Variants in ANKS1B observed in about 807,000 individuals in gnomAD.
The protein encoded by ANKS1B is ankyrin repeat and sterile alpha motif domain containing 1B, also known as ankyrin repeat and sterile alpha motif domain-containing protein 1B.
ANKS1B carries 36 observed loss-of-function variants against 148.3 expected under a neutral mutation model. The ratio of observed to expected loss-of-function variants is 0.24; its 90% confidence interval spans 0.19 to 0.32. The LOEUF is 0.32. Among genes scored for constraint, ANKS1B ranks in the 10% least tolerant of loss-of-function variants. ANKS1B has a pLI of 1.00. For missense variants in ANKS1B, 1,157 were observed against 1,542.6 expected, an observed-to-expected ratio of 0.75 and a Z score of 4.19; for synonymous variants, 542 against 560.8, an observed-to-expected ratio of 0.97 and a Z score of 0.47.
intron 14 of ANKS1B, among the ~76,000 whole-genome samples, chr12:99,174,916 C>G (rs2078205360): frequency 6.6e-6 from 1 of 152,056 alleles, no homozygotes; most frequent in African/African-American, 2.4e-5. Context: ...ATTTTATTCT[C>G]TCTATAAAAC....
intron 8 of ANKS1B, among the ~76,000 whole-genome samples, chr12:99,733,328 G>T (rs543841293): frequency 6.6e-6 from 1 of 152,126 alleles, no homozygotes; most frequent in Non-Finnish European, 1.5e-5. Flanking sequence ...AAGCTTAAGG[G>T]GCAAACCTGA....
intron 12 of ANKS1B, among the ~76,000 whole-genome samples, chr12:99,303,827 T>C (rs938292534): frequency 6.6e-6 from 1 of 152,166 alleles, no homozygotes; most frequent in Non-Finnish European, 1.5e-5. Flanking sequence ...ATCATTCTTA[T>C]GCATTTGCAT....
intron 11 of ANKS1B, among the ~76,000 whole-genome samples, chr12:99,415,095 A>G (rs10777981): frequency 0.27 from 41,670 of 152,086 alleles, 5,867 homozygotes; most frequent in East Asian, 0.44. Context: ...TTTGGACTCA[A>G]TGTAGATATT....
At chr12:99,821,910 C>T (rs752901148) in intron 2 of ANKS1B, among the ~76,000 whole-genome samples, 67 of 151,940 alleles carry the variant, frequency 4.4e-4, no homozygotes, top group Non-Finnish European at 6.8e-4. Flanking sequence ...ACATACTTTC[C>T]ATTCTATAAA....
intron 16 of ANKS1B, among the ~76,000 whole-genome samples, chr12:99,058,600 G>C (rs1269897736): frequency 1.3e-5 from 2 of 151,372 alleles, no homozygotes; most frequent in Non-Finnish European, 2.9e-5. Flanking sequence ...TATTGTATGA[G>C]TTTGATTTTT....
intron 9 of ANKS1B, among the ~76,000 whole-genome samples, chr12:99,632,752 TATA>T (rs1429301331): frequency 8.9e-5 from 10 of 112,312 alleles, no homozygotes; most frequent in African/African-American, 3.2e-4. Flanking sequence ...TATATATATA[TATA>T]TATATATATA....
intron 14 of ANKS1B, among the ~76,000 whole-genome samples, chr12:99,206,061 A>G (rs946821352): frequency 3.9e-5 from 6 of 152,286 alleles, no homozygotes; most frequent in Non-Finnish European, 8.8e-5. Context: ...AAAAGATAAG[A>G]CTACCATGAA....
At chr12:99,234,136 C>A (rs1169170013) in intron 14 of ANKS1B, among the ~76,000 whole-genome samples, 1 of 152,040 alleles carries the variant, frequency 6.6e-6, no homozygotes, top group Non-Finnish European at 1.5e-5. Flanking sequence ...ACTTAGTATC[C>A]TCCCAAAGCA....
intron 8 of ANKS1B, among the ~76,000 whole-genome samples, chr12:99,672,255 C>T (rs1450342773): frequency 6.6e-6 from 1 of 152,144 alleles, no homozygotes; most frequent in African/African-American, 2.4e-5. Context: ...TCAGCAACTT[C>T]TGACTTACCA....
At chr12:99,964,327 A>C (rs1288945690) in intron 1 of ANKS1B, among the ~76,000 whole-genome samples, 2 of 152,266 alleles carry the variant, frequency 1.3e-5, no homozygotes, top group Non-Finnish European at 2.9e-5. Flanking sequence ...ACTTTGAAAG[A>C]GATATTATCA....
intron 12 of ANKS1B, among the ~76,000 whole-genome samples, chr12:99,342,814 A>G (rs2090121459): frequency 6.6e-6 from 1 of 150,722 alleles, no homozygotes; most frequent in African/African-American, 2.4e-5. Flanking sequence ...ATTAAAATTA[A>G]GTAGATTAGT....
At position 99,806,568 on chromosome 12, in the gene ANKS1B, C is replaced by A. The variant is rs1482124717; in HGVS notation, c.505G>T (p.Ala169Ser). ...ACCACTCTAAGCCGTCCGTAGAGTG[C>A]CGCCAAGTCCAAAGGTGTTTCCAGC... The part of the protein sequence containing the change: ...SKLETPLDLA[A>S]LYGRLRVVKM... Residue 169 changes from alanine to serine, a missense_variant, in exon 4 of 27, where the codon GCA (alanine) becomes TCA (serine). Physicochemically the swap from Ala to Ser is moderately conservative, Grantham distance 99 (BLOSUM62 1). Transcript: ENST00000683438. The A allele has an allele frequency of 6.2e-7, 1 of 1,613,934 alleles. No homozygotes were observed. Among genetic ancestry groups the A allele is most frequent in the Admixed American group, 1.7e-5 (1 of 60,006 alleles).
At chr12:99,280,906 TAC>T (rs879363174) in intron 12 of ANKS1B, among the ~76,000 whole-genome samples, 3 of 148,662 alleles carry the variant, frequency 2.0e-5, no homozygotes, top group South Asian at 2.2e-4. Flanking sequence ...CACATGCACG[TAC>T]ACACACACAC....
At chr12:99,489,489 T>C (rs1384076461) in intron 10 of ANKS1B, among the ~76,000 whole-genome samples, 1 of 152,202 alleles carries the variant, frequency 6.6e-6, no homozygotes. Context: ...AAAAGAAGCA[T>C]TATATTAGTA....
chr12:99,326,009 G>A (rs138325781), intron 12 of ANKS1B, among the ~76,000 whole-genome samples: 2 of 152,178 alleles, frequency 1.3e-5, no homozygotes, highest in East Asian at 3.9e-4. Context: ...CAGCATGAAG[G>A]AGAAGTGCTG....
chr12:99,510,309 C>T (rs930496497), intron 9 of ANKS1B, among the ~76,000 whole-genome samples: 3 of 151,956 alleles, frequency 2.0e-5, no homozygotes, highest in Admixed American at 6.6e-5. Context: ...GAAAGTGATT[C>T]CTCTGATGAA....
chr12:99,526,822 C>T (rs1336147424), intron 9 of ANKS1B, among the ~76,000 whole-genome samples: 1 of 152,104 alleles, frequency 6.6e-6, no homozygotes, highest in Non-Finnish European at 1.5e-5. Flanking sequence ...AGTCCTAACC[C>T]CAGTACATAA....
chr12:99,179,428 CAAAAAAAA>C (rs59979808), intron 14 of ANKS1B, among the ~76,000 whole-genome samples: 11 of 72,954 alleles, frequency 1.5e-4, no homozygotes, highest in Non-Finnish European at 2.3e-4. Flanking sequence ...GACTCTGTCT[CAAAAAAAA>C]AAAAAAAAAA....
intron 12 of ANKS1B, among the ~76,000 whole-genome samples, chr12:99,353,029 C>T (rs544313426): frequency 4.5e-4 from 69 of 152,096 alleles, no homozygotes; most frequent in African/African-American, 1.6e-3. Context: ...ATGTTATCCC[C>T]ACAAGTTTCA....
Sources: gnomAD v4.1 joint callset for allele counts (sites outside exome capture counted in the v4.1 genomes callset) on GRCh38, gnomAD v4.1.1 for gene constraint, MANE v1.5 for transcripts, NCBI Gene and HGNC (gene_info 2026-07-23, HGNC 2026-07-21) for gene names.